The following SCN10A variants were observed in gnomAD, a reference collection of about 807,000 sequenced individuals.
The protein encoded by SCN10A is sodium voltage-gated channel alpha subunit 10.
In SCN10A, 162 loss-of-function variants were observed where a neutral mutation model predicts 170.7. The observed-to-expected ratio is 0.95, with a 90% CI of 0.84 to 1.08. The LOEUF (loss-of-function observed/expected upper bound fraction) is 1.08, where lower values mean the gene tolerates loss of function less well. SCN10A is among the 50% of genes least tolerant of loss of function. The pLI is 0.00. For synonymous variants in SCN10A, 985 were observed against 904.6 expected (o/e 1.09, Z -1.59); for missense variants, 2,527 against 2,436.9 (o/e 1.04, Z -0.78).
Position 38,791,373 on chromosome 3 carries a change from C to G in SCN10A, c.389+677G>C, listed in dbSNP as rs116757635. On this transcript the variant is annotated intron_variant, in intron 3 of 27. Coordinates refer to ENST00000449082, the MANE Select transcript of SCN10A (RefSeq NM_006514.4). ...CCCTGAAAGCAGCTTCTGACATTAC[C>G]TAAAACAATTCATATAGTAGACATT... Among the ~76,000 whole-genome samples the G allele has an allele frequency of 7.1e-3, 1,086 of 152,276 alleles. 10 individuals carry two copies. Among genetic ancestry groups the G allele is most frequent in the Middle Eastern group, 0.024 (7 of 294 alleles).
chr3:38,799,082 C>T (rs1187247110), intron 1 of SCN10A, among the ~76,000 whole-genome samples: 1 of 152,098 alleles, frequency 6.6e-6, no homozygotes, highest in Admixed American at 6.6e-5. Context: ...GTGCCCAGCC[C>T]CTTTTGCCTT....
chr3:38,788,350 A>G (rs2064235480), intron 4 of SCN10A, among the ~76,000 whole-genome samples: 1 of 152,126 alleles, frequency 6.6e-6, no homozygotes, highest in Non-Finnish European at 1.5e-5. Context: ...GAAAACTCCC[A>G]GATTCTGAAA....
chr3:38,725,725 T>C (rs970369141), intron 17 of SCN10A, among the ~76,000 whole-genome samples: 1 of 152,264 alleles, frequency 6.6e-6, no homozygotes, highest in Admixed American at 6.5e-5. Context: ...GTCAAAATTG[T>C]AGGGAACTTG....
chr3:38,751,619 T>C (rs1316303794), intron 12 of SCN10A, among the ~76,000 whole-genome samples: 1 of 152,326 alleles, frequency 6.6e-6, no homozygotes, highest in Admixed American at 6.5e-5. Flanking sequence ...GAGCTCACAT[T>C]AACTCACAGC....
chr3:38,702,095 A>G lies in SCN10A; in HGVS notation c.4401T>C (p.Gly1467=), dbSNP rs765030112. 2 of 1,552,926 alleles carry G rather than the reference A, an allele frequency of 1.3e-6. No individual in the cohort carries two copies. The highest frequency in any genetic ancestry group is 2.5e-5 in the South Asian group (2 of 79,532). Residue 1467 remains glycine (G), a synonymous_variant, in exon 27 of 28, where the codon GGT becomes GGC. Coordinates refer to ENST00000449082, the MANE Select transcript of SCN10A (RefSeq NM_006514.4). ...GTCTGGTCACGATGTCAAAGACAAA[A>G]CCCTGGAACTTGTTCTGAGAAAACA... The part of the protein sequence containing the change: ...PIPRPLNKFQ[G]FVFDIVTRQA...
At chr3:38,792,604 C>T (rs1395953182) in intron 2 of SCN10A, among the ~76,000 whole-genome samples, 1 of 152,206 alleles carries the variant, frequency 6.6e-6, no homozygotes, top group East Asian at 1.9e-4. Context: ...AAATCCTCTC[C>T]TGGTTTCTCC....
At position 38,726,970 on chromosome 3, in the gene SCN10A, T is replaced by A; in HGVS notation, c.2723A>T (p.Asn908Ile). 6.2e-7 allele frequency: 1 copy of A among 1,614,216 alleles called. No individual in the cohort carries two copies. The highest frequency in any genetic ancestry group is 2.2e-5 in the East Asian group (1 of 44,876). The change falls in exon 17 of 28, where the codon AAC becomes ATC. Residue 908 changes from asparagine (N) to isoleucine (I), a missense_variant. Physicochemically the swap from Asn to Ile is moderately radical, Grantham distance 149. Transcript: ENST00000449082. ...CCGTGCCAGGGCCACCTGCAGGTTG[T>A]TCACCTCCCCATCGTCCTCCGGGGC... ...LTAPEDDGEV[N>I]NLQVALARIQ... is the part of the protein sequence containing the mutation.
chr3:38,738,266 C>T (rs1303678410), intron 15 of SCN10A, among the ~76,000 whole-genome samples: 1 of 152,134 alleles, frequency 6.6e-6, no homozygotes, highest in Non-Finnish European at 1.5e-5. Context: ...GTAAACATCC[C>T]TCCCAGGAGT....
chr3:38,727,033 G>A lies in SCN10A; in HGVS notation c.2660C>T (p.Ala887Val). The change falls in exon 17 of 28, where the codon GCC becomes GTC. Residue 887 changes from alanine to valine, a missense_variant. Ala to Val is a moderately conservative substitution (Grantham distance 64). Transcript: ENST00000449082. ...AGCACTGAAAGAGTTCAATAGCAGGGCGATGAACAGGTTAAGCACCTGAAG... is the reference window on the plus strand; with the variant it reads ...AGCACTGAAAGAGTTCAATAGCAGGACGATGAACAGGTTAAGCACCTGAAG... ...GNLVVLNLFI[A>V]LLLNSFSADN... 1 of 1,611,382 alleles carries A rather than the reference G, an allele frequency of 6.2e-7. No individual in the cohort carries two copies. The highest frequency in any genetic ancestry group is 8.5e-7 in the Non-Finnish European group (1 of 1,177,668).
intron 5 of SCN10A, among the ~76,000 whole-genome samples, chr3:38,764,744 C>T (rs1181428903): frequency 6.6e-6 from 1 of 152,148 alleles, no homozygotes; most frequent in East Asian, 1.9e-4. Flanking sequence ...AGTGGGATTG[C>T]TGGACCAAAT....
chr3:38,811,418 A>C (rs920502948), intron 1 of SCN10A, among the ~76,000 whole-genome samples: 17 of 149,572 alleles, frequency 1.1e-4, no homozygotes, highest in African/African-American at 4.2e-4. Context: ...GTACCACTGC[A>C]CTCCAGCCTG....
intron 25 of SCN10A, 33 bp from the exon 26 acceptor site, chr3:38,707,416 G>A (rs1476929722): frequency 1.2e-6 from 2 of 1,609,772 alleles, no homozygotes; most frequent in African/African-American, 2.7e-5. Context: ...ACTAAAGCAA[G>A]AGGAACCCCC....
At chr3:38,721,313 T>G (rs904769816) in intron 20 of SCN10A, among the ~76,000 whole-genome samples, 3 of 151,618 alleles carry the variant, frequency 2.0e-5, no homozygotes, top group Non-Finnish European at 4.4e-5. Flanking sequence ...TCCTAGCCCT[T>G]CAACTAATTA....
intron 2 of SCN10A, 99 bp downstream of exon 2, chr3:38,793,642 G>A: frequency 1.7e-6 from 2 of 1,209,894 alleles, no homozygotes; most frequent in Non-Finnish European, 2.3e-6. Context: ...TTAGCAGACT[G>A]CCACATCACC....
intron 15 of SCN10A, among the ~76,000 whole-genome samples, chr3:38,735,169 C>CAAAA (rs543574832): frequency 2.6e-3 from 190 of 73,308 alleles, no homozygotes; most frequent in East Asian, 3.7e-3. Flanking sequence ...GACTCTGTCT[C>CAAAA]AAAAAAAAAA....
intron 12 of SCN10A, among the ~76,000 whole-genome samples, chr3:38,751,656 T>G (rs1367728483): frequency 6.6e-6 from 1 of 152,240 alleles, no homozygotes; most frequent in Admixed American, 6.5e-5. Flanking sequence ...AATCCCTGAC[T>G]TGCCATTACA....
intron 13 of SCN10A, among the ~76,000 whole-genome samples, chr3:38,746,581 T>C (rs1289798639): frequency 6.6e-6 from 1 of 152,152 alleles, no homozygotes; most frequent in Non-Finnish European, 1.5e-5. Flanking sequence ...AAGTCCCATA[T>C]CCTTAATGCA....
chr3:38,712,493 C>G (rs1471405663), intron 22 of SCN10A, 48 bp from the exon 23 acceptor site: 12 of 1,580,852 alleles, frequency 7.6e-6, no homozygotes, highest in Non-Finnish European at 9.5e-6. Context: ...GCCCCACCCC[C>G]TCTGCTGGAT....
intron 1 of SCN10A, among the ~76,000 whole-genome samples, chr3:38,802,928 ACAAAGAACTC>A (rs2064382461): frequency 6.6e-6 from 1 of 152,260 alleles, no homozygotes; most frequent in Admixed American, 6.5e-5. Context: ...TCCAGAATCT[ACAAAGAACTC>A]CAACAAATTT....
Sources: gnomAD v4.1 joint callset for allele counts (sites outside exome capture counted in the v4.1 genomes callset) on GRCh38, gnomAD v4.1.1 for gene constraint, MANE v1.5 for transcripts, NCBI Gene and HGNC (gene_info 2026-07-23, HGNC 2026-07-21) for gene names.